The following KYNU variants were observed in gnomAD, a reference collection of about 807,000 sequenced individuals.
The protein encoded by KYNU is kynureninase.
A neutral mutation model predicts 59.2 loss-of-function variants in KYNU; 54 were observed. The ratio of observed to expected loss-of-function variants is 0.91; its 90% confidence interval spans 0.73 to 1.14. The LOEUF (loss-of-function observed/expected upper bound fraction) is 1.14, where lower values mean the gene tolerates loss of function less well. Among genes scored for constraint, KYNU ranks in the 50% most tolerant of loss-of-function variants. The pLI is 0.00. For synonymous variants in KYNU, 177 were observed against 192.0 expected, an observed-to-expected ratio of 0.92 and a Z score of 0.65; for missense variants, 567 against 554.4, an observed-to-expected ratio of 1.02 and a Z score of -0.23.
chr2:142,889,155 G>A (rs1221564634), intron 2 of KYNU, among the ~76,000 whole-genome samples: 7 of 151,988 alleles, frequency 4.6e-5, no homozygotes. Flanking sequence ...ATCACAAGGG[G>A]CATGGCTGAT....
chr2:143,003,889 A>G (rs1685785862), intron 10 of KYNU, among the ~76,000 whole-genome samples: 1 of 149,690 alleles, frequency 6.7e-6, no homozygotes, highest in South Asian at 2.2e-4. Context: ...ATGAATAAAT[A>G]TAAAGAACGC....
chr2:142,967,802 C>A (rs1039146614), intron 8 of KYNU, among the ~76,000 whole-genome samples: 1 of 151,924 alleles, frequency 6.6e-6, no homozygotes, highest in Non-Finnish European at 1.5e-5. Context: ...AATCAACTGT[C>A]GTAATATTAT....
chr2:142,999,661 G>GA (rs1336824662), intron 10 of KYNU, among the ~76,000 whole-genome samples: 1 of 151,894 alleles, frequency 6.6e-6, no homozygotes, highest in Non-Finnish European at 1.5e-5. Context: ...CAAAACTTTA[G>GA]CTAACCATGT....
At chr2:143,010,766 CA>C (rs1686068907) in intron 10 of KYNU, among the ~76,000 whole-genome samples, 1 of 146,932 alleles carries the variant, frequency 6.8e-6, no homozygotes, top group African/African-American at 2.5e-5. Flanking sequence ...CGCATACCTA[CA>C]ACTATCTGAT....
chr2:142,881,916 CTT>C (rs869099302), intron 1 of KYNU, among the ~76,000 whole-genome samples: 49 of 113,150 alleles, frequency 4.3e-4, no homozygotes, highest in African/African-American at 9.2e-4. Context: ...TTTCTTTTTT[CTT>C]TTTTTTTTTT....
At chr2:142,891,928 T>A (rs901374230) in intron 2 of KYNU, among the ~76,000 whole-genome samples, 3 of 152,148 alleles carry the variant, frequency 2.0e-5, no homozygotes, top group Admixed American at 2.0e-4. Flanking sequence ...ACTTTTTTTT[T>A]TTTAGATGGG....
chr2:142,896,441 G>A (rs780333527), intron 2 of KYNU, among the ~76,000 whole-genome samples: 11 of 152,172 alleles, frequency 7.2e-5, no homozygotes, highest in African/African-American at 2.7e-4. Context: ...CCATGCTCTA[G>A]AGAAATGTCT....
chr2:142,947,318 A>G (rs1683822907), intron 4 of KYNU: 1 of 1,256,808 alleles, frequency 8.0e-7, no homozygotes, highest in East Asian at 2.6e-5. Flanking sequence ...TCATAGAAGC[A>G]TTCCATTTTT....
intron 3 of KYNU, 122 bp from the exon 4 acceptor site, chr2:142,927,537 T>A: frequency 1.4e-6 from 1 of 697,692 alleles, no homozygotes; most frequent in East Asian, 2.7e-5. Context: ...CCTGATTTTA[T>A]ATAATTACTA....
intron 4 of KYNU, among the ~76,000 whole-genome samples, chr2:142,937,259 C>T (rs1051821141): frequency 6.6e-6 from 1 of 151,960 alleles, no homozygotes. Flanking sequence ...AGTTACTCAT[C>T]TTAAACTTTC....
intron 2 of KYNU, among the ~76,000 whole-genome samples, chr2:142,892,750 A>G (rs941526617): frequency 6.6e-6 from 1 of 152,234 alleles, no homozygotes; most frequent in African/African-American, 2.4e-5. Flanking sequence ...ATTCACTGAT[A>G]CAATTAACTT....
chr2:142,885,978 A>G (rs1409932011), intron 2 of KYNU, among the ~76,000 whole-genome samples: 1 of 152,202 alleles, frequency 6.6e-6, no homozygotes, highest in Non-Finnish European at 1.5e-5. Flanking sequence ...AAGAGATGTT[A>G]TATGAATAGC....
At chr2:142,933,402 A>C (rs1031646608) in intron 4 of KYNU, among the ~76,000 whole-genome samples, 2 of 152,202 alleles carry the variant, frequency 1.3e-5, no homozygotes, top group Non-Finnish European at 1.5e-5. Flanking sequence ...TTTAAGGCTC[A>C]TGGAGTGGGG....
intron 4 of KYNU, among the ~76,000 whole-genome samples, chr2:142,936,617 A>T (rs1199278907): frequency 6.6e-6 from 1 of 152,178 alleles, no homozygotes; most frequent in Admixed American, 6.5e-5. Flanking sequence ...AGAACAGATG[A>T]TCAGCAACTG....
chr2:142,972,809 T>TAGAGAGAGAGAG lies in KYNU; in HGVS notation c.729+12040_729+12041insGAGAGAGAGAGA, dbSNP rs1186056484. Among the ~76,000 whole-genome samples, 29 of 137,386 alleles carry TAGAGAGAGAGAG rather than the reference T, an allele frequency of 2.1e-4. No individual in the cohort carries two copies. The East Asian group carries it at 3.7e-3, about 18-fold the overall frequency. The allele number at this position is 137,386 out of a possible 152,430, so 90.1% of individuals were successfully genotyped here. On this transcript the variant is annotated intron_variant, in intron 8 of 13. Transcript: ENST00000264170. ...CAGAGGCCATATATATATATATATATATATAGAGAGAGAGAGAGAGAGAGA... is the reference window on the plus strand; with the variant it reads ...CAGAGGCCATATATATATATATATATAGAGAGAGAGAGATATAGAGAGAGAGAGAGAGAGAGA...
chr2:142,957,594 C>CT, intron 6 of KYNU, 47 bp from the exon 7 acceptor site: 1 of 1,115,532 alleles, frequency 9.0e-7, no homozygotes, highest in Non-Finnish European at 1.4e-6. Context: ...CAATGTACTT[C>CT]TGTGCTCTCA....
intron 8 of KYNU, among the ~76,000 whole-genome samples, chr2:142,984,700 G>C (rs1001207835): frequency 6.6e-6 from 1 of 151,970 alleles, no homozygotes; most frequent in African/African-American, 2.4e-5. Context: ...GTTTTCACAA[G>C]GATATTTTCA....
intron 2 of KYNU, among the ~76,000 whole-genome samples, chr2:142,896,194 A>C (rs1194774527): frequency 6.6e-6 from 1 of 152,226 alleles, no homozygotes; most frequent in African/African-American, 2.4e-5. Context: ...TAACTTTATA[A>C]GAAACTGGCA....
chr2:143,007,380 A>G (rs1441493453), intron 10 of KYNU, among the ~76,000 whole-genome samples: 1 of 147,444 alleles, frequency 6.8e-6, no homozygotes, highest in Non-Finnish European at 1.5e-5. Flanking sequence ...AGAAATGAGC[A>G]AAGCCTCCAA....
Sources: gnomAD v4.1 joint callset for allele counts (sites outside exome capture counted in the v4.1 genomes callset) on GRCh38, gnomAD v4.1.1 for gene constraint, MANE v1.5 for transcripts, NCBI Gene and HGNC (gene_info 2026-07-23, HGNC 2026-07-21) for gene names.